The following LAMA2 variants were observed in gnomAD, a reference collection of about 807,000 sequenced individuals.
The protein encoded by LAMA2 is laminin subunit alpha-2.
A neutral mutation model predicts 364.8 loss-of-function variants in LAMA2; 269 were observed. That is an observed-to-expected ratio of 0.74 (90% CI 0.67 to 0.82). LAMA2 has a LOEUF of 0.82. Ranked by LOEUF, LAMA2 falls within the 40% of genes least tolerant of loss-of-function variation. The pLI, the probability that LAMA2 is intolerant of heterozygous loss-of-function variation, is 0.00. For synonymous variants in LAMA2, 1,379 were observed against 1,370.6 expected (o/e 1.01, Z -0.14); for missense variants, 3,807 against 3,873.2 (o/e 0.98, Z 0.45).
chr6:129,045,288 G>A (rs1341054050), intron 1 of LAMA2, among the ~76,000 whole-genome samples: 1 of 152,142 alleles, frequency 6.6e-6, no homozygotes, highest in Non-Finnish European at 1.5e-5. Flanking sequence ...TTTTATTAGT[G>A]TCTTTAGTTT....
At chr6:129,345,887 TG>T (rs1776523017) in intron 30 of LAMA2, among the ~76,000 whole-genome samples, 1 of 152,088 alleles carries the variant, frequency 6.6e-6, no homozygotes, top group Non-Finnish European at 1.5e-5. Flanking sequence ...AGAATTAAAA[TG>T]TGAAGCAAAG....
intron 1 of LAMA2, among the ~76,000 whole-genome samples, chr6:128,940,521 T>C (rs953594716): frequency 6.6e-6 from 1 of 151,932 alleles, no homozygotes; most frequent in Non-Finnish European, 1.5e-5. Context: ...TAAATATTAG[T>C]GAGAGAATAA....
chr6:129,142,025 C>T (rs1482190698), intron 4 of LAMA2, among the ~76,000 whole-genome samples: 1 of 152,002 alleles, frequency 6.6e-6, no homozygotes, highest in Non-Finnish European at 1.5e-5. Context: ...TGTGCTTCTT[C>T]CTATCTGTAT....
At chr6:128,887,415 T>C (rs764127599) in intron 1 of LAMA2, among the ~76,000 whole-genome samples, 36 of 152,106 alleles carry the variant, frequency 2.4e-4, no homozygotes, top group Non-Finnish European at 4.4e-4. Context: ...TATATGAACA[T>C]ATTCAACACT....
chr6:129,169,353 T>G (rs1190870056), intron 9 of LAMA2, among the ~76,000 whole-genome samples: 3 of 150,018 alleles, frequency 2.0e-5, no homozygotes, highest in East Asian at 3.9e-4. Context: ...CCTAATTTAT[T>G]GAGAGTTTTT....
At chr6:129,429,214 C>A (rs997539262) in intron 41 of LAMA2, among the ~76,000 whole-genome samples, 4 of 152,136 alleles carry the variant, frequency 2.6e-5, no homozygotes, top group East Asian at 1.9e-4. Context: ...GCTTGTCAAA[C>A]CACCACAATC....
At chr6:129,009,342 T>A (rs982284999) in intron 1 of LAMA2, among the ~76,000 whole-genome samples, 1 of 152,332 alleles carries the variant, frequency 6.6e-6, no homozygotes, top group South Asian at 2.1e-4. Context: ...AAAACTGAGT[T>A]TTATGACTGT....
intron 3 of LAMA2, among the ~76,000 whole-genome samples, chr6:129,076,812 G>C (rs965515512): frequency 1.3e-5 from 2 of 151,938 alleles, no homozygotes; most frequent in African/African-American, 2.4e-5. Context: ...ATATTTTAAT[G>C]TGGATTTTGA....
At chr6:129,383,341 C>A in intron 35 of LAMA2, 108 bp downstream of exon 35, 1 of 902,366 alleles carries the variant, frequency 1.1e-6, no homozygotes, top group Non-Finnish European at 1.8e-6. Context: ...TCTGTAAAAT[C>A]AAAGGTAGAG....
In LAMA2 at chr6:129,172,753, C is replaced by CA. The variant is rs1554232443; in HGVS notation, c.1307-4953_1307-4952insA. Among the ~76,000 whole-genome samples, 3 of 152,306 alleles carry CA rather than the reference C, an allele frequency of 2.0e-5. No individual in the cohort carries two copies. The East Asian group carries it at 5.8e-4, about 29-fold the overall frequency. On this transcript the variant is annotated intron_variant, in intron 9 of 64. Coordinates refer to ENST00000421865, the MANE Select transcript of LAMA2 (RefSeq NM_000426.4). ...TTACCTAATCAAGCCTGGGCAATGG[C>CA]GGCGCCCCTCCCCCAGCCTCGCTGC...
chr6:129,270,539 A>T, intron 16 of LAMA2, 85 bp from the exon 17 acceptor site: 1 of 1,348,666 alleles, frequency 7.4e-7, no homozygotes, highest in Non-Finnish European at 1.1e-6. Flanking sequence ...CAGGGAGCAG[A>T]CTAATGACTT....
At chr6:129,145,747 ACACT>A (rs1447682008) in intron 5 of LAMA2, among the ~76,000 whole-genome samples, 2 of 151,948 alleles carry the variant, frequency 1.3e-5, no homozygotes, top group Non-Finnish European at 2.9e-5. Flanking sequence ...AGTTCAATAA[ACACT>A]CATTTAAATA....
At chr6:129,135,120 G>A (rs1247371433) in intron 4 of LAMA2, among the ~76,000 whole-genome samples, 1 of 152,160 alleles carries the variant, frequency 6.6e-6, no homozygotes, top group Non-Finnish European at 1.5e-5. Flanking sequence ...ACAAATTCAT[G>A]AAGAAAAGCC....
chr6:129,411,574 A>G (rs1248542379), intron 40 of LAMA2, among the ~76,000 whole-genome samples: 1 of 152,226 alleles, frequency 6.6e-6, no homozygotes, highest in East Asian at 1.9e-4. Flanking sequence ...TAAAAACTCC[A>G]TAGAAACCTC....
intron 41 of LAMA2, among the ~76,000 whole-genome samples, chr6:129,431,621 T>C (rs1317193957): frequency 6.6e-6 from 1 of 152,124 alleles, no homozygotes; most frequent in East Asian, 1.9e-4. Context: ...CATTAGACTC[T>C]TCATAAACTT....
chr6:129,227,013 G>C (rs1784343963), intron 12 of LAMA2, among the ~76,000 whole-genome samples: 1 of 152,096 alleles, frequency 6.6e-6, no homozygotes, highest in Non-Finnish European at 1.5e-5. Flanking sequence ...CATATTTCTT[G>C]GAGGCTTTGT....
At position 129,249,067 on chromosome 6, in the gene LAMA2, C is replaced by T. The variant is rs188742623; in HGVS notation, c.1783-1045C>T. Among the ~76,000 whole-genome samples the T allele has an allele frequency of 3.3e-5, 5 of 152,224 alleles. No individual in the cohort carries two copies. The East Asian group carries it at 7.7e-4, about 24-fold the overall frequency. On this transcript the variant is annotated intron_variant, in intron 12 of 64. Transcript: ENST00000421865. ...TAAAATCCTGTTTAATCAGCCGTAG[C>T]GAGCTATGTGCCATTCTCTGTGGAA...
chr6:129,213,387 A>G (rs750626401), intron 12 of LAMA2, among the ~76,000 whole-genome samples: 36 of 152,180 alleles, frequency 2.4e-4, no homozygotes, highest in Non-Finnish European at 4.9e-4. Flanking sequence ...TATTTGGGTA[A>G]ATACCAAAGA....
At chr6:129,365,377 T>C (rs936675372) in intron 32 of LAMA2, among the ~76,000 whole-genome samples, 2 of 152,176 alleles carry the variant, frequency 1.3e-5, no homozygotes, top group African/African-American at 4.8e-5. Flanking sequence ...ATTTTATTTT[T>C]TGGGGGGTGG....
Sources: allele counts gnomAD v4.1 joint callset (sites outside exome capture counted in the v4.1 genomes callset), GRCh38; gene constraint gnomAD v4.1.1; transcripts MANE v1.5; gene names NCBI Gene and HGNC (gene_info 2026-07-23, HGNC 2026-07-21).